The following SPAG16 variants were observed in gnomAD, a reference collection of about 807,000 sequenced individuals.
The protein encoded by SPAG16 is sperm-associated antigen 16 protein.
In SPAG16, 86 loss-of-function variants were observed where a neutral mutation model predicts 80.4. The observed-to-expected ratio is 1.07, with a 90% CI of 0.90 to 1.28. The LOEUF (loss-of-function observed/expected upper bound fraction) is 1.28, where lower values mean the gene tolerates loss of function less well. SPAG16 is among the 50% of genes most tolerant of loss of function. SPAG16 has a pLI of 0.00. For missense variants in SPAG16, 870 were observed against 765.3 expected (o/e 1.14, Z -1.61); for synonymous variants, 294 against 265.9 (o/e 1.11, Z -1.03).
intron 9 of SPAG16, among the ~76,000 whole-genome samples, chr2:213,469,071 A>T (rs2072920405): frequency 6.6e-6 from 1 of 152,122 alleles, no homozygotes; most frequent in South Asian, 2.1e-4. Context: ...TTCTTTGGCA[A>T]CACCCTCACA....
At chr2:213,420,691 T>A (rs577700255) in intron 9 of SPAG16, among the ~76,000 whole-genome samples, 2 of 152,246 alleles carry the variant, frequency 1.3e-5, no homozygotes, top group Non-Finnish European at 2.9e-5. Context: ...TTTAATAACC[T>A]AATACCACTA....
intron 10 of SPAG16, among the ~76,000 whole-genome samples, chr2:213,697,985 C>T (rs2065234937): frequency 6.6e-6 from 1 of 152,112 alleles, no homozygotes; most frequent in African/African-American, 2.4e-5. Context: ...CAACTCTCGT[C>T]AACTTCTTTT....
chr2:213,299,183 C>G (rs1156909418), intron 3 of SPAG16, among the ~76,000 whole-genome samples: 2 of 151,912 alleles, frequency 1.3e-5, no homozygotes, highest in Non-Finnish European at 2.9e-5. Context: ...GGTTATGATA[C>G]TATTAGGAAA....
chr2:213,463,305 G>A (rs1356015611), intron 9 of SPAG16, among the ~76,000 whole-genome samples: 1 of 152,244 alleles, frequency 6.6e-6, no homozygotes, highest in Admixed American at 6.5e-5. Context: ...ATTTTCTGGG[G>A]AGAAATTCAA....
At chr2:214,194,745 T>G (rs142921820) in intron 15 of SPAG16, among the ~76,000 whole-genome samples, 2,064 of 152,196 alleles carry the variant, frequency 0.014, 30 homozygotes, top group Middle Eastern at 0.027. Context: ...TTTGCATCCT[T>G]ATCATATTGT....
intron 15 of SPAG16, chr2:214,238,405 C>T (rs1381828240): frequency 6.1e-6 from 1 of 164,238 alleles, no homozygotes; most frequent in Non-Finnish European, 1.3e-5. Context: ...TTTTCATGCT[C>T]AAGATCATTT....
At chr2:214,388,881 T>C (rs928850414) in intron 15 of SPAG16, among the ~76,000 whole-genome samples, 1 of 152,184 alleles carries the variant, frequency 6.6e-6, no homozygotes, top group Non-Finnish European at 1.5e-5. Flanking sequence ...CTGAGAACAT[T>C]GCCTGTATTA....
intron 15 of SPAG16, among the ~76,000 whole-genome samples, chr2:214,321,337 G>A (rs1191419843): frequency 2.0e-5 from 3 of 152,216 alleles, no homozygotes; most frequent in African/African-American, 7.2e-5. Flanking sequence ...AATAAATGAT[G>A]ATTGGATATT....
chr2:213,366,810 T>G (rs1218885562), intron 8 of SPAG16, among the ~76,000 whole-genome samples: 4 of 152,114 alleles, frequency 2.6e-5, no homozygotes, highest in African/African-American at 9.7e-5. Flanking sequence ...AATTATACTT[T>G]AAGTTCTAGG....
At chr2:213,329,785 C>T (rs1029804403) in intron 5 of SPAG16, among the ~76,000 whole-genome samples, 40 of 152,226 alleles carry the variant, frequency 2.6e-4, no homozygotes, top group African/African-American at 9.6e-4. Flanking sequence ...TGCGACAACC[C>T]CTGCCATCAC....
intron 12 of SPAG16, among the ~76,000 whole-genome samples, chr2:213,976,431 A>G (rs1255739588): frequency 3.3e-5 from 5 of 151,996 alleles, no homozygotes; most frequent in African/African-American, 4.8e-5. Flanking sequence ...CTCCTCTCAC[A>G]CACAAATATA....
intron 13 of SPAG16, among the ~76,000 whole-genome samples, chr2:214,050,748 C>T (rs1575981288): frequency 6.6e-6 from 1 of 152,126 alleles, no homozygotes; most frequent in African/African-American, 2.4e-5. Context: ...GTTCCCCATC[C>T]TCCCATCTTC....
chr2:213,887,466 A>G (rs189487177), intron 11 of SPAG16, among the ~76,000 whole-genome samples: 2 of 152,002 alleles, frequency 1.3e-5, no homozygotes, highest in Admixed American at 6.6e-5. Flanking sequence ...GATTTCTGAG[A>G]TGAATAACAT....
At chr2:214,174,946 T>G (rs1474654238) in intron 15 of SPAG16, among the ~76,000 whole-genome samples, 1 of 151,780 alleles carries the variant, frequency 6.6e-6, no homozygotes, top group South Asian at 2.1e-4. Flanking sequence ...GACTGAGAAC[T>G]GTATTCCTTG....
intron 15 of SPAG16, among the ~76,000 whole-genome samples, chr2:214,185,861 C>G (rs565708886): frequency 6.6e-6 from 1 of 152,248 alleles, no homozygotes; most frequent in East Asian, 1.9e-4. Flanking sequence ...CCCTTTTAGC[C>G]TTTCATCCTG....
At chr2:213,971,224 C>T (rs55762327) in intron 12 of SPAG16, among the ~76,000 whole-genome samples, 2,955 of 152,206 alleles carry the variant, frequency 0.019, 41 homozygotes, top group Non-Finnish European at 0.031. Flanking sequence ...TGTTGACATT[C>T]TAAATCCAAG....
intron 15 of SPAG16, among the ~76,000 whole-genome samples, chr2:214,349,909 C>A (rs924840302): frequency 6.6e-6 from 1 of 152,146 alleles, no homozygotes; most frequent in African/African-American, 2.4e-5. Context: ...ATTTTACTTA[C>A]TTTTTTGAGT....
chr2:213,633,705 A>G (rs1355454304), intron 10 of SPAG16, among the ~76,000 whole-genome samples: 1 of 152,024 alleles, frequency 6.6e-6, no homozygotes, highest in East Asian at 1.9e-4. Flanking sequence ...TGGGTGCTCC[A>G]CTGTTGGGTG....
At chr2:214,122,438 C>T (rs1426664656) in intron 14 of SPAG16, among the ~76,000 whole-genome samples, 3 of 151,070 alleles carry the variant, frequency 2.0e-5, no homozygotes, top group Admixed American at 2.0e-4. Context: ...CAGTGATAAA[C>T]AAAAAACTGC....
Sources: gnomAD v4.1 joint callset for allele counts (sites outside exome capture counted in the v4.1 genomes callset) on GRCh38, gnomAD v4.1.1 for gene constraint, MANE v1.5 for transcripts, NCBI Gene and HGNC (gene_info 2026-07-23, HGNC 2026-07-21) for gene names.